The following GREB1L variants were observed in gnomAD, a reference collection of about 807,000 sequenced individuals.
The protein encoded by GREB1L is GREB1 like retinoic acid receptor coactivator.
Under a neutral mutation model 200.8 loss-of-function variants are expected in GREB1L, and 17 were observed. The ratio of observed to expected loss-of-function variants is 0.08; its 90% CI spans 0.06 to 0.13. GREB1L has a LOEUF of 0.13. Ranked by LOEUF, GREB1L falls within the 10% of genes least tolerant of loss-of-function variation. GREB1L has a pLI of 1.00. For missense variants in GREB1L, 1,657 were observed against 2,367.7 expected, an observed-to-expected ratio of 0.70 and a Z score of 6.23; for synonymous variants, 789 against 893.0, an observed-to-expected ratio of 0.88 and a Z score of 2.08.
In GREB1L at chr18:21,312,661, C is replaced by T. The variant is rs185038713; in HGVS notation, c.-119-53366C>T. ...CTCCGCCTCCCGGGTTCAAGTGATT[C>T]TCCTGCCTCAGCCTCCCGAGTAGCT... On this transcript the variant is annotated intron_variant, in intron 1 of 32. Coordinates refer to ENST00000424526, the MANE Select transcript of GREB1L (RefSeq NM_001142966.3). Among the ~76,000 whole-genome samples, 169 of 152,194 alleles carry T rather than the reference C, an allele frequency of 1.1e-3. 2 individuals carry two copies. In the East Asian group the frequency reaches 0.031, roughly 28 times the overall value.
intron 1 of GREB1L, among the ~76,000 whole-genome samples, chr18:21,307,833 G>A (rs2038726965): frequency 1.3e-5 from 2 of 152,054 alleles, no homozygotes; most frequent in African/African-American, 2.4e-5. Context: ...CGTGCCCCTC[G>A]ACCTAAGGTC....
chr18:21,260,339 A>C (rs1257319260), intron 1 of GREB1L, among the ~76,000 whole-genome samples: 1 of 152,024 alleles, frequency 6.6e-6, no homozygotes, highest in Non-Finnish European at 1.5e-5. Context: ...AATGAAATTA[A>C]ATTTTCTACC....
At chr18:21,520,503 C>T (rs1431603490) in intron 31 of GREB1L, among the ~76,000 whole-genome samples, 185 bp from the exon 32 acceptor site, 1 of 152,180 alleles carries the variant, frequency 6.6e-6, no homozygotes, top group Non-Finnish European at 1.5e-5. Flanking sequence ...TAACACTTGG[C>T]ACGCTACATA....
chr18:21,457,112 T>C (rs2034802631), intron 15 of GREB1L, among the ~76,000 whole-genome samples: 1 of 152,204 alleles, frequency 6.6e-6, no homozygotes, highest in African/African-American at 2.4e-5. Context: ...TCCTAATAAA[T>C]GCAAGCTCCT....
rs142682924 is a variant in GREB1L at position 21,394,613 on chromosome 18, G to A, written c.356-772G>A. Among the ~76,000 whole-genome samples the A allele has an allele frequency of 1.1e-3, 162 of 152,218 alleles. No individual in the cohort carries two copies. In the Middle Eastern group the frequency reaches 0.014, roughly 13 times the overall value. On this transcript the variant is annotated intron_variant, in intron 4 of 32. Transcript: ENST00000424526. ...GTCATGTCATGGTAAAAAGTGAAATGCTGTAACAGTTTTGGCCCGTTCATC... is the reference window on the plus strand; with the variant it reads ...GTCATGTCATGGTAAAAAGTGAAATACTGTAACAGTTTTGGCCCGTTCATC...
intron 15 of GREB1L, among the ~76,000 whole-genome samples, chr18:21,460,087 G>A (rs781726851): frequency 6.6e-5 from 10 of 152,170 alleles, no homozygotes; most frequent in Non-Finnish European, 1.0e-4. Context: ...TATACAACAT[G>A]TTCTCACTGT....
chr18:21,505,049 T>G (rs2036957938), intron 23 of GREB1L, among the ~76,000 whole-genome samples: 2 of 152,150 alleles, frequency 1.3e-5, no homozygotes, highest in South Asian at 4.1e-4. Context: ...GCTCAGTGCA[T>G]CCTAAAATCT....
intron 1 of GREB1L, among the ~76,000 whole-genome samples, chr18:21,351,679 G>A (rs947803166): frequency 6.6e-6 from 1 of 151,982 alleles, no homozygotes; most frequent in African/African-American, 2.4e-5. Flanking sequence ...TATGATAGGT[G>A]ATAAGTTTCA....
intron 1 of GREB1L, among the ~76,000 whole-genome samples, chr18:21,316,116 T>C (rs1337804081): frequency 6.6e-6 from 1 of 152,112 alleles, no homozygotes. Context: ...CCTTTTTCTC[T>C]GTGTACCCGC....
chr18:21,329,800 A>G (rs549771815), intron 1 of GREB1L, among the ~76,000 whole-genome samples: 14 of 152,188 alleles, frequency 9.2e-5, no homozygotes, highest in Admixed American at 4.6e-4. Flanking sequence ...AACACTTTAG[A>G]GTTCCCTCTG....
At chr18:21,250,014 T>C (rs2037675668) in intron 1 of GREB1L, among the ~76,000 whole-genome samples, 1 of 152,118 alleles carries the variant, frequency 6.6e-6, no homozygotes, top group South Asian at 2.1e-4. Flanking sequence ...AGCTGGAGGT[T>C]GCAATTTTCT....
At chr18:21,392,790 T>C (rs1305327065) in intron 4 of GREB1L, among the ~76,000 whole-genome samples, 2 of 152,116 alleles carry the variant, frequency 1.3e-5, no homozygotes, top group Non-Finnish European at 2.9e-5. Flanking sequence ...AAAAAAAATT[T>C]AGACAGGGTC....
At chr18:21,425,856 T>C (rs1269354219) in intron 7 of GREB1L, among the ~76,000 whole-genome samples, 1 of 152,184 alleles carries the variant, frequency 6.6e-6, no homozygotes, top group Non-Finnish European at 1.5e-5. Context: ...TTCTTGATGG[T>C]GTCCTTTGAA....
intron 25 of GREB1L, among the ~76,000 whole-genome samples, chr18:21,507,119 A>G (rs937730402): frequency 6.6e-6 from 1 of 152,196 alleles, no homozygotes; most frequent in Admixed American, 6.5e-5. Context: ...TACCTTTTAT[A>G]TCCCATTTGT....
At chr18:21,289,557 G>T (rs1404140935) in intron 1 of GREB1L, among the ~76,000 whole-genome samples, 1 of 151,976 alleles carries the variant, frequency 6.6e-6, no homozygotes, top group African/African-American at 2.4e-5. Context: ...CAAAAAAAAG[G>T]CTTTCTGGTC....
chr18:21,345,828 T>C (rs1483824165), intron 1 of GREB1L, among the ~76,000 whole-genome samples: 3 of 146,814 alleles, frequency 2.0e-5, no homozygotes, highest in Non-Finnish European at 4.5e-5. Context: ...GCTGAGATCA[T>C]GCCATTGCAC....
rs376881774 is a variant in GREB1L, at chr18:21,435,120, A to G, written c.833-4401A>G. The G allele has an allele frequency of 6.6e-4, 101 of 152,790 alleles. No homozygotes were observed. The Middle Eastern group carries it at 0.014, about 21-fold the overall frequency. The allele number at this position is 152,790 out of a possible 1,614,324, so 9.5% of individuals were successfully genotyped here. On this transcript the variant is annotated intron_variant, in intron 7 of 32. Transcript: ENST00000424526. ...TATATCTTTGGTAAATACATAGTCC[A>G]TAAAAGACTTGTGTGACATTTAATT...
chr18:21,478,765 C>G (rs2035806621), intron 17 of GREB1L, among the ~76,000 whole-genome samples: 1 of 152,196 alleles, frequency 6.6e-6, no homozygotes, highest in Admixed American at 6.5e-5. Context: ...ACAGAGCTGC[C>G]AGAGTTCCTT....
intron 17 of GREB1L, among the ~76,000 whole-genome samples, chr18:21,481,435 ATGTATGTGTG>A (rs1267971528): frequency 3.2e-5 from 4 of 124,446 alleles, no homozygotes; most frequent in South Asian, 2.9e-4. Flanking sequence ...AACAGTATAT[ATGTATGTGTG>A]TGTGTGTGTG....
Sources: allele counts gnomAD v4.1 joint callset (sites outside exome capture counted in the v4.1 genomes callset), GRCh38; gene constraint gnomAD v4.1.1; transcripts MANE v1.5; gene names NCBI Gene and HGNC (gene_info 2026-07-23, HGNC 2026-07-21).